The following CNBD1 variants were observed in gnomAD, a reference collection of about 807,000 sequenced individuals.
CNBD1 encodes the protein cyclic nucleotide binding domain containing 1.
CNBD1 carries 71 observed loss-of-function variants against 54.4 expected under a neutral mutation model. The observed-to-expected ratio is 1.30, with a 90% CI of 1.08 to 1.59. The LOEUF (loss-of-function observed/expected upper bound fraction) is 1.59, where lower values mean the gene tolerates loss of function less well. CNBD1 is among the 40% of genes most tolerant of loss of function. The pLI is 0.00. For missense variants in CNBD1, 659 were observed against 518.0 expected, an observed-to-expected ratio of 1.27 and a Z score of -2.64; for synonymous variants, 182 against 170.7, an observed-to-expected ratio of 1.07 and a Z score of -0.51.
intron 5 of CNBD1, among the ~76,000 whole-genome samples, chr8:87,220,038 A>AT (rs1314241399): frequency 1.3e-5 from 2 of 152,046 alleles, no homozygotes; most frequent in African/African-American, 4.8e-5. Flanking sequence ...GCAAAATAAC[A>AT]TTTTTGAAAA....
intron 4 of CNBD1, among the ~76,000 whole-genome samples, chr8:87,121,515 T>G (rs1177198476): frequency 6.6e-6 from 1 of 151,858 alleles, no homozygotes; most frequent in African/African-American, 2.4e-5. Context: ...CTATCATTTT[T>G]TATGGGGAAA....
intron 4 of CNBD1, among the ~76,000 whole-genome samples, chr8:87,128,673 C>G (rs146151776): frequency 0.012 from 1,790 of 152,132 alleles, 33 homozygotes; most frequent in African/African-American, 0.041. Context: ...GTGAATTACA[C>G]TGATTGATTT....
rs879621985 is a variant in CNBD1, at chr8:87,227,336, C to T, written c.578-9583C>T. Among the ~76,000 whole-genome samples, 60 of 146,884 alleles carry T rather than the reference C, an allele frequency of 4.1e-4. 1 individual carries two copies. Among genetic ancestry groups the T allele is most frequent in the Non-Finnish European group, 6.8e-4 (45 of 66,062 alleles). ...AGTTGATGCAGTTTCTTCCTAGTCTCGATGGTCTTTACATTTTGGCATGAT... is the reference window on the plus strand; with the variant it reads ...AGTTGATGCAGTTTCTTCCTAGTCTTGATGGTCTTTACATTTTGGCATGAT... On this transcript the variant is annotated intron_variant, in intron 5 of 10. Coordinates refer to ENST00000518476, the MANE Select transcript of CNBD1 (RefSeq NM_173538.3).
Position 87,326,227 on chromosome 8 carries a change from G to C in CNBD1, c.1043-25458G>C, listed in dbSNP as rs954074396. Among the ~76,000 whole-genome samples, 5 of 122,888 alleles carry C rather than the reference G, an allele frequency of 4.1e-5. 1 individual carries two copies. The highest frequency in any genetic ancestry group is 6.0e-5 in the African/African-American group (2 of 33,212). The allele number at this position is 122,888 out of a possible 152,430, so 80.6% of individuals were successfully genotyped here. A position where few individuals can be genotyped will look rare whatever the true frequency, so the allele number is the denominator to read the frequency against. The stretch of plus-strand genomic sequence containing the variant: ...GGTAACCCGACCTTTCTCTCTGGCT[G>C]CCCTTAACATTTTTTCCTTCATTTC... On this transcript the variant is annotated intron_variant, in intron 8 of 10. Coordinates refer to ENST00000518476, the MANE Select transcript of CNBD1 (RefSeq NM_173538.3).
intron 10 of CNBD1, among the ~76,000 whole-genome samples, chr8:87,374,519 T>C (rs1421453537): frequency 1.3e-5 from 2 of 151,862 alleles, no homozygotes; most frequent in Non-Finnish European, 2.9e-5. Context: ...AGTTGGGTTC[T>C]AGACTGGTAC....
intron 7 of CNBD1, among the ~76,000 whole-genome samples, chr8:87,285,991 T>A (rs979030573): frequency 6.6e-6 from 1 of 152,184 alleles, no homozygotes; most frequent in African/African-American, 2.4e-5. Context: ...GCATAAGCCA[T>A]GGTTCAGTGC....
intron 4 of CNBD1, among the ~76,000 whole-genome samples, chr8:86,943,848 G>A (rs1211636767): frequency 6.6e-6 from 1 of 151,914 alleles, no homozygotes; most frequent in African/African-American, 2.4e-5. Flanking sequence ...AGAATATCAG[G>A]TAGCTCTCAG....
intron 4 of CNBD1, among the ~76,000 whole-genome samples, chr8:87,203,806 C>A (rs1052523694): frequency 6.6e-6 from 1 of 152,070 alleles, no homozygotes; most frequent in South Asian, 2.1e-4. Flanking sequence ...TCCCCTTACA[C>A]GATACACAAT....
intron 2 of CNBD1, among the ~76,000 whole-genome samples, chr8:87,415,502 C>T (rs1042346105): frequency 6.6e-6 from 1 of 151,944 alleles, no homozygotes. Flanking sequence ...GATATGCATC[C>T]TTGTAATTCT....
chr8:86,989,314 TA>T (rs1425553738), intron 4 of CNBD1, among the ~76,000 whole-genome samples: 1 of 151,678 alleles, frequency 6.6e-6, no homozygotes, highest in Non-Finnish European at 1.5e-5. Context: ...AATACATACA[TA>T]CATACATACA....
At position 87,158,964 on chromosome 8, in the gene CNBD1, C is replaced by G. The variant is rs58786691; in HGVS notation, c.432-47029C>G. Among the ~76,000 whole-genome samples, 727 of 152,234 alleles carry G rather than the reference C, an allele frequency of 4.8e-3. 8 individuals are homozygous for G. The highest frequency in any genetic ancestry group is 0.017 in the African/African-American group (693 of 41,546). Reference sequence around the variant, plus strand: ...CCAGTTATCATTTGACAGGATCAAGCTATAAATCTGTTTTTATACAATTTG... The same window carrying G: ...CCAGTTATCATTTGACAGGATCAAGGTATAAATCTGTTTTTATACAATTTG... On this transcript the variant is annotated intron_variant, in intron 4 of 10. Coordinates refer to ENST00000518476, the MANE Select transcript of CNBD1 (RefSeq NM_173538.3).
chr8:87,229,505 TTAGA>T (rs1433696095), intron 5 of CNBD1, among the ~76,000 whole-genome samples: 6 of 152,176 alleles, frequency 3.9e-5, no homozygotes, highest in Admixed American at 1.3e-4. Context: ...GACACCTTAA[TTAGA>T]TAGTAATCTT....
intron 4 of CNBD1, among the ~76,000 whole-genome samples, chr8:87,028,950 T>A (rs1282734094): frequency 1.3e-5 from 2 of 152,214 alleles, no homozygotes; most frequent in Non-Finnish European, 2.9e-5. Context: ...TTCTAACACT[T>A]GTTACATTTT....
At chr8:87,289,876 G>A (rs912906408) in intron 8 of CNBD1, among the ~76,000 whole-genome samples, 2 of 152,028 alleles carry the variant, frequency 1.3e-5, no homozygotes, top group Admixed American at 6.6e-5. Flanking sequence ...TCCCAGAACC[G>A]GTTTGATACC....
chr8:87,226,179 T>G (rs572588087), intron 5 of CNBD1, among the ~76,000 whole-genome samples: 162 of 152,158 alleles, frequency 1.1e-3, no homozygotes, highest in African/African-American at 3.5e-3. Context: ...TGTTGATCCT[T>G]TCAAAAAACC....
chr8:86,925,389 G>T (rs928173863), intron 3 of CNBD1, among the ~76,000 whole-genome samples: 2 of 151,818 alleles, frequency 1.3e-5, no homozygotes, highest in African/African-American at 2.4e-5. Context: ...TAAAAATGAT[G>T]GAAGAATCTT....
At chr8:87,373,233 A>G (rs1810856416) in intron 10 of CNBD1, among the ~76,000 whole-genome samples, 1 of 151,832 alleles carries the variant, frequency 6.6e-6, no homozygotes, top group African/African-American at 2.4e-5. Flanking sequence ...ATTAATGACC[A>G]ATGATACTTC....
intron 2 of CNBD1, among the ~76,000 whole-genome samples, chr8:87,395,200 C>T (rs115796218): frequency 0.021 from 3,200 of 151,800 alleles, 118 homozygotes; most frequent in African/African-American, 0.072. Flanking sequence ...ACCACTTTTG[C>T]GTTATGTATT....
At chr8:86,892,803 C>G (rs185357248) in intron 2 of CNBD1, among the ~76,000 whole-genome samples, 22 of 152,044 alleles carry the variant, frequency 1.4e-4, no homozygotes, top group Non-Finnish European at 2.6e-4. Context: ...TTTTTTCACT[C>G]ACAGGATGTT....
Sources: allele counts gnomAD v4.1 joint callset (sites outside exome capture counted in the v4.1 genomes callset), GRCh38; gene constraint gnomAD v4.1.1; transcripts MANE v1.5; gene names NCBI Gene and HGNC (gene_info 2026-07-23, HGNC 2026-07-21).